Variants in KCNIP4 observed in about 807,000 individuals in gnomAD.
KCNIP4 encodes Kv channel-interacting protein 4.
Under a neutral mutation model 34.0 loss-of-function variants are expected in KCNIP4, and 12 were observed. The ratio of observed to expected loss-of-function variants is 0.35; its 90% CI spans 0.23 to 0.57. The LOEUF (loss-of-function observed/expected upper bound fraction) is 0.57, where lower values mean the gene tolerates loss of function less well. Ranked by LOEUF, KCNIP4 falls within the 20% of genes least tolerant of loss-of-function variation. KCNIP4 has a pLI of 0.83. For missense variants in KCNIP4, 238 were observed against 311.7 expected, an observed-to-expected ratio of 0.76 and a Z score of 1.78; for synonymous variants, 124 against 102.2, an observed-to-expected ratio of 1.21 and a Z score of -1.29.
At chr4:21,211,317 G>A (rs1231190333) in intron 1 of KCNIP4, among the ~76,000 whole-genome samples, 1 of 152,138 alleles carries the variant, frequency 6.6e-6, no homozygotes, top group Non-Finnish European at 1.5e-5. Flanking sequence ...CAACCCCCGG[G>A]CCACAGACCT....
At chr4:21,157,699 A>T (rs949677107) in intron 1 of KCNIP4, among the ~76,000 whole-genome samples, 1 of 152,170 alleles carries the variant, frequency 6.6e-6, no homozygotes, top group Non-Finnish European at 1.5e-5. Flanking sequence ...AAATTGAATC[A>T]CTAAATATCT....
At chr4:21,794,208 C>T (rs912670801) in intron 1 of KCNIP4, among the ~76,000 whole-genome samples, 7 of 152,048 alleles carry the variant, frequency 4.6e-5, no homozygotes, top group African/African-American at 1.7e-4. Context: ...ACCAACATGG[C>T]ATATGCATAC....
chr4:21,125,359 G>A (rs1750532851), intron 1 of KCNIP4, among the ~76,000 whole-genome samples: 1 of 151,786 alleles, frequency 6.6e-6, no homozygotes, highest in Admixed American at 6.6e-5. Context: ...AGGGATTAGA[G>A]GTGCCCGCCA....
intron 1 of KCNIP4, among the ~76,000 whole-genome samples, chr4:21,710,901 T>A (rs1436120762): frequency 6.6e-6 from 1 of 152,216 alleles, no homozygotes; most frequent in Non-Finnish European, 1.5e-5. Flanking sequence ...ACTTTCAGGA[T>A]GTTTTCAGTT....
intron 1 of KCNIP4, among the ~76,000 whole-genome samples, chr4:21,865,954 T>C (rs919292601): frequency 2.3e-4 from 35 of 151,682 alleles, no homozygotes; most frequent in African/African-American, 6.5e-4. Flanking sequence ...GGCAAATGTA[T>C]GCTATATATA....
chr4:20,766,449 T>C (rs950086347), intron 3 of KCNIP4, among the ~76,000 whole-genome samples: 4 of 151,986 alleles, frequency 2.6e-5, no homozygotes, highest in African/African-American at 9.7e-5. Flanking sequence ...GCCTATAATC[T>C]GAACTACCCA....
chr4:21,801,850 A>T (rs984451887), intron 1 of KCNIP4, among the ~76,000 whole-genome samples: 2 of 151,940 alleles, frequency 1.3e-5, no homozygotes, highest in African/African-American at 2.4e-5. Flanking sequence ...GTGGCCTCTT[A>T]GACAGTGCCA....
chr4:21,911,604 TCACACACACACACACACACACACACA>T lies in KCNIP4; in HGVS notation c.61+36941_61+36966del, dbSNP rs149500330. ...TCTGAAAGGCAGAAAGAATTGATAT[TCACACACACACACACACACACACACA>T]CACACACACACACACACACACACAC... On this transcript the variant is annotated intron_variant, in intron 1 of 8. Coordinates refer to ENST00000382152, the MANE Select transcript of KCNIP4 (RefSeq NM_025221.6). Among the ~76,000 whole-genome samples the T allele has an allele frequency of 1.3e-4, 17 of 129,984 alleles. No homozygotes were observed. In the South Asian group the frequency reaches 2.9e-3, roughly 22 times the overall value. The allele number at this position is 129,984 out of a possible 152,430, so 85.3% of individuals were successfully genotyped here.
intron 1 of KCNIP4, among the ~76,000 whole-genome samples, chr4:21,476,388 A>G (rs1286747928): frequency 6.6e-6 from 1 of 152,152 alleles, no homozygotes; most frequent in Admixed American, 6.6e-5. Flanking sequence ...TTAGGAGACA[A>G]GTAAGTTTAA....
At chr4:20,878,118 T>C (rs1344823116) in intron 2 of KCNIP4, among the ~76,000 whole-genome samples, 1 of 152,150 alleles carries the variant, frequency 6.6e-6, no homozygotes, top group Non-Finnish European at 1.5e-5. Context: ...GTCAGAATTC[T>C]AGCTCTGCCA....
intron 1 of KCNIP4, among the ~76,000 whole-genome samples, chr4:21,744,719 C>T (rs372031393): frequency 1.4e-3 from 215 of 152,238 alleles, no homozygotes; most frequent in African/African-American, 4.2e-3. Context: ...CATTCCCAAA[C>T]TGCAGGACAG....
At chr4:21,262,320 T>C (rs1377620261) in intron 1 of KCNIP4, among the ~76,000 whole-genome samples, 1 of 152,112 alleles carries the variant, frequency 6.6e-6, no homozygotes, top group Non-Finnish European at 1.5e-5. Context: ...TTCCTGAACA[T>C]GAATATTCAC....
chr4:21,905,251 C>A (rs568018118), intron 1 of KCNIP4, among the ~76,000 whole-genome samples: 43 of 152,150 alleles, frequency 2.8e-4, no homozygotes, highest in African/African-American at 9.9e-4. Context: ...TAGTTGGTGC[C>A]ATGCTGTGTC....
chr4:20,979,796 T>C (rs1321403807), intron 1 of KCNIP4, among the ~76,000 whole-genome samples: 1 of 148,220 alleles, frequency 6.7e-6, no homozygotes, highest in African/African-American at 2.5e-5. Flanking sequence ...AAAGTTGAAG[T>C]CTTTAAGTCA....
chr4:21,331,079 T>C (rs905835573), intron 1 of KCNIP4, among the ~76,000 whole-genome samples: 2 of 152,188 alleles, frequency 1.3e-5, no homozygotes, highest in African/African-American at 2.4e-5. Flanking sequence ...TGTAAGACAC[T>C]GTGTCCTCTT....
Position 21,237,414 on chromosome 4 carries a change from C to T in KCNIP4, c.62-354705G>A, listed in dbSNP as rs866918945. On this transcript the variant is annotated intron_variant, in intron 1 of 8. Coordinates refer to ENST00000382152, the MANE Select transcript of KCNIP4 (RefSeq NM_025221.6). ...ATGTAATTTTGGTCCACATAGATCT[C>T]CAGTCTCTTAGCGTAAAGACAACTT... Among the ~76,000 whole-genome samples the T allele has an allele frequency of 3.9e-5, 6 of 152,188 alleles. No homozygotes were observed. In the South Asian group the frequency reaches 1.2e-3, roughly 32 times the overall value.
At chr4:21,354,285 T>C (rs928688980) in intron 1 of KCNIP4, among the ~76,000 whole-genome samples, 6 of 152,138 alleles carry the variant, frequency 3.9e-5, no homozygotes, top group African/African-American at 2.4e-5. Flanking sequence ...CAGGATCAAA[T>C]TCACACATAA....
chr4:21,044,206 T>C (rs947053339), intron 1 of KCNIP4, among the ~76,000 whole-genome samples: 13 of 152,160 alleles, frequency 8.5e-5, no homozygotes, highest in African/African-American at 2.9e-4. Flanking sequence ...ATCACTGTTG[T>C]AGGATGCATA....
At chr4:20,860,312 G>T (rs1349132499) in intron 2 of KCNIP4, among the ~76,000 whole-genome samples, 1 of 151,960 alleles carries the variant, frequency 6.6e-6, no homozygotes, top group Non-Finnish European at 1.5e-5. Context: ...GCTAATTTTT[G>T]TATTTAGTAG....
Sources: allele counts gnomAD v4.1 joint callset (sites outside exome capture counted in the v4.1 genomes callset), GRCh38; gene constraint gnomAD v4.1.1; transcripts MANE v1.5; gene names NCBI Gene and HGNC (gene_info 2026-07-23, HGNC 2026-07-21).